ARHGEF10: variants seen among roughly 807,000 people sequenced by gnomAD.
ARHGEF10 encodes the protein Rho guanine nucleotide exchange factor 10, also known as Rho guanine nucleotide exchange factor (GEF) 10.
Under a neutral mutation model 147.4 loss-of-function variants are expected in ARHGEF10, and 140 were observed. The ratio of observed to expected loss-of-function variants is 0.95; its 90% confidence interval spans 0.83 to 1.09. The LOEUF (loss-of-function observed/expected upper bound fraction) is 1.09. Ranked by LOEUF, ARHGEF10 falls within the 50% of genes least tolerant of loss-of-function variation. The probability of loss-of-function intolerance (pLI) is 0.00; values close to 1 mark genes in which losing one functional copy is unlikely to be tolerated. For synonymous variants in ARHGEF10, 902 were observed against 695.8 expected, an observed-to-expected ratio of 1.30 and a Z score of -4.67; for missense variants, 2,222 against 1,752.7, an observed-to-expected ratio of 1.27 and a Z score of -4.78.
chr8:1,831,513 CAGTGTGA>C (rs1803105611), intron 1 of ARHGEF10, among the ~76,000 whole-genome samples: 1 of 137,902 alleles, frequency 7.3e-6, no homozygotes, highest in African/African-American at 2.8e-5. Context: ...CGTGGAGGGA[CAGTGTGA>C]CATCCGTGGA....
At chr8:1,877,445 C>T (rs1807803894) in intron 8 of ARHGEF10, among the ~76,000 whole-genome samples, 1 of 152,222 alleles carries the variant, frequency 6.6e-6, no homozygotes, top group African/African-American at 2.4e-5. Flanking sequence ...CCAGGCTAGT[C>T]TCGAATCCCT....
chr8:1,875,261 G>T (rs961237857), intron 7 of ARHGEF10, among the ~76,000 whole-genome samples: 1 of 150,980 alleles, frequency 6.6e-6, no homozygotes, highest in African/African-American at 2.4e-5. Context: ...GGCGTGTAGG[G>T]GGTGGAGGTT....
chr8:1,955,112 CTCCCTG>C (rs1244877155), intron 28 of ARHGEF10, among the ~76,000 whole-genome samples: 3 of 115,612 alleles, frequency 2.6e-5, no homozygotes, highest in Non-Finnish European at 3.4e-5. Flanking sequence ...TAGCCAGGTG[CTCCCTG>C]AAAGGAGGTG....
chr8:1,876,506 C>G (rs1428125935), intron 7 of ARHGEF10, 65 bp from the exon 8 acceptor site: 1 of 1,513,306 alleles, frequency 6.6e-7, no homozygotes, highest in Non-Finnish European at 9.2e-7. Flanking sequence ...AAACCACAAA[C>G]AGGCACAAAA....
chr8:1,861,322 G>T (rs957981796), intron 4 of ARHGEF10, among the ~76,000 whole-genome samples: 8 of 152,256 alleles, frequency 5.3e-5, no homozygotes, highest in Non-Finnish European at 7.3e-5. Context: ...GTCCGTGGCT[G>T]CTTCGACTGC....
At chr8:1,947,105 T>G (rs1814652657) in intron 27 of ARHGEF10, among the ~76,000 whole-genome samples, 1 of 152,234 alleles carries the variant, frequency 6.6e-6, no homozygotes, top group East Asian at 1.9e-4. Flanking sequence ...AGCAAATGTT[T>G]GCTGCAGGAA....
chr8:1,907,618 C>A (rs769106702), intron 17 of ARHGEF10, among the ~76,000 whole-genome samples: 1 of 152,176 alleles, frequency 6.6e-6, no homozygotes, highest in African/African-American at 2.4e-5. Context: ...TCTCCCGCTG[C>A]CAGACGTGGT....
rs537190053 is a variant in ARHGEF10, at chr8:1,858,104, C to A, written c.182C>A (p.Pro61His). The stretch of plus-strand genomic sequence containing the variant: ...GGAGGTGCTGGAGCCAGTGAAGCCC[C>A]TGCACCCACAGGTGAGTTTCCAGGA... ...ETGGAGASEA[P>H]APTGGEDGAG... Residue 61 changes from proline to histidine, a missense_variant, in exon 3 of 29, where the codon CCT becomes CAT. By Grantham distance (77) the Pro-to-His change is moderately conservative. Transcript: ENST00000349830. 1.3e-6 allele frequency: 2 copies of A among 1,552,648 alleles called. No individual in the cohort carries two copies. The highest frequency in any genetic ancestry group is 1.7e-6 in the Non-Finnish European group (2 of 1,149,314).
At chr8:1,894,627 T>C (rs1345257587) in intron 13 of ARHGEF10, 55 bp downstream of exon 13, 1 of 1,586,268 alleles carries the variant, frequency 6.3e-7, no homozygotes, top group South Asian at 1.1e-5. Context: ...ACCTGTCCTC[T>C]CTTCCCTTCT....
intron 9 of ARHGEF10, among the ~76,000 whole-genome samples, chr8:1,880,825 G>A (rs1185301172): frequency 6.6e-6 from 1 of 152,160 alleles, no homozygotes; most frequent in African/African-American, 2.4e-5. Flanking sequence ...GTGTTGAATG[G>A]CACTCACTGG....
At chr8:1,915,929 C>T (rs1168867906) in intron 18 of ARHGEF10, among the ~76,000 whole-genome samples, 2 of 152,244 alleles carry the variant, frequency 1.3e-5, no homozygotes, top group Admixed American at 6.5e-5. Flanking sequence ...GACTGTCAGT[C>T]AAGTTGACAT....
Position 1,957,270 on chromosome 8 carries a change from C to T in ARHGEF10, c.*7C>T, listed in dbSNP as rs769063684. The T allele has an allele frequency of 5.6e-6, 9 of 1,605,888 alleles. No individual in the cohort carries two copies. Among genetic ancestry groups the T allele is most frequent in the African/African-American group, 1.3e-5 (1 of 74,850 alleles). On this transcript the variant is annotated 3_prime_UTR_variant, in exon 29 of 29. Transcript: ENST00000349830. ...CCCTCTGCTGAATATATAAGCAGGA[C>T]GGCCGCCTTCTGCTGTCAGAATTTG...
At chr8:1,888,187 G>T (rs534438517) in intron 11 of ARHGEF10, among the ~76,000 whole-genome samples, 6 of 74,916 alleles carry the variant, frequency 8.0e-5, no homozygotes, top group African/African-American at 6.1e-4. Context: ...GTGGGGTGAG[G>T]GTTTGCGAGG....
At position 1,929,336 on chromosome 8, in the gene ARHGEF10, A is replaced by C. The variant is rs1812927403; in HGVS notation, c.2972A>C (p.His991Pro). ...GGCTCCAAGAAAGTGAGACTTCAGC[A>C]CTTTTTCACTCCTGAGAAGTCCACA... is the stretch of plus-strand genomic sequence containing the variant. The part of the protein sequence containing the change: ...SQGSKKVRLQ[H>P]FFTPEKSTVM... Residue 991 changes from histidine (H) to proline (P), a missense_variant, in exon 25 of 29, where the codon CAC (histidine) becomes CCC (proline). Physicochemically the swap from His to Pro is moderately conservative, Grantham distance 77. Coordinates refer to ENST00000349830, the MANE Select transcript of ARHGEF10 (RefSeq NM_014629.4). The C allele has an allele frequency of 7.4e-6, 12 of 1,614,070 alleles. No homozygotes were observed. Among genetic ancestry groups the C allele is most frequent in the Non-Finnish European group, 1.0e-5 (12 of 1,180,040 alleles).
intron 2 of ARHGEF10, among the ~76,000 whole-genome samples, chr8:1,849,279 CGGCCGT>C (rs1804791947): frequency 1.3e-5 from 2 of 151,788 alleles, no homozygotes; most frequent in African/African-American, 4.8e-5. Context: ...GGGCGTAGGG[CGGCCGT>C]GTGGACACAG....
intron 1 of ARHGEF10, among the ~76,000 whole-genome samples, chr8:1,830,334 G>A (rs1407301404): frequency 7.6e-6 from 1 of 132,258 alleles, no homozygotes; most frequent in African/African-American, 2.9e-5. Context: ...CGTGGCTTCT[G>A]TCCAGCATCC....
intron 26 of ARHGEF10, among the ~76,000 whole-genome samples, chr8:1,934,273 G>C (rs1813387382): frequency 6.7e-6 from 1 of 149,616 alleles, no homozygotes; most frequent in Non-Finnish European, 1.5e-5. Flanking sequence ...AGCATCACTT[G>C]AGCCCAGGAG....
chr8:1,932,034 C>T (rs1813188809), intron 25 of ARHGEF10, among the ~76,000 whole-genome samples: 1 of 152,182 alleles, frequency 6.6e-6, no homozygotes, highest in South Asian at 2.1e-4. Flanking sequence ...CAAGCCACAC[C>T]TGACAGCCAG....
At chr8:1,896,119 C>A (rs370158425) in intron 13 of ARHGEF10, among the ~76,000 whole-genome samples, 1 of 152,140 alleles carries the variant, frequency 6.6e-6, no homozygotes, top group Non-Finnish European at 1.5e-5. Context: ...AGAAAGTGCT[C>A]TGGAGTCAAA....
Sources: gnomAD v4.1 joint callset for allele counts (sites outside exome capture counted in the v4.1 genomes callset) on GRCh38, gnomAD v4.1.1 for gene constraint, MANE v1.5 for transcripts, NCBI Gene and HGNC (gene_info 2026-07-23, HGNC 2026-07-21) for gene names.